The following PRDM10 variants were observed in gnomAD, a reference collection of about 807,000 sequenced individuals.
PRDM10 encodes PR/SET domain 10.
PRDM10 carries 65 observed loss-of-function variants against 133.1 expected under a neutral mutation model. The ratio of observed to expected loss-of-function variants is 0.49; its 90% CI spans 0.40 to 0.60. PRDM10 has a LOEUF of 0.60. Ranked by LOEUF, PRDM10 falls within the 20% of genes least tolerant of loss-of-function variation. The pLI, the probability that PRDM10 is intolerant of heterozygous loss-of-function variation, is 0.00. For missense variants in PRDM10, 1,137 were observed against 1,507.1 expected, an observed-to-expected ratio of 0.75 and a Z score of 4.07; for synonymous variants, 582 against 580.4, an observed-to-expected ratio of 1.00 and a Z score of -0.04.
Position 129,971,835 on chromosome 11 carries a change from T to C in PRDM10, c.-118-10753A>G, listed in dbSNP as rs550561161. ...GCCAGTCCCGTGCCGTGCGCTCGCA[T>C]TCCTCAGCCCTTGGGTGGTCGATGG... On this transcript the variant is annotated intron_variant, in intron 1 of 20. Transcript: ENST00000360871. 4.7e-4 allele frequency among the ~76,000 whole-genome samples: 71 copies of C among 152,350 alleles called. 1 individual carries two copies. The highest frequency in any genetic ancestry group is 7.4e-4 in the Non-Finnish European group (50 of 68,006).
chr11:129,986,485 G>C (rs887953293), intron 1 of PRDM10, among the ~76,000 whole-genome samples: 1 of 152,148 alleles, frequency 6.6e-6, no homozygotes, highest in East Asian at 1.9e-4. Flanking sequence ...TGCCTCCCAG[G>C]TTCAAGCAAT....
intron 6 of PRDM10, among the ~76,000 whole-genome samples, chr11:129,944,395 C>CCAGCCTGGCCAA (rs373627728): frequency 6.6e-6 from 1 of 151,344 alleles, no homozygotes; most frequent in South Asian, 2.1e-4. Flanking sequence ...GAGATCGAGA[C>CCAGCCTGGCCAA]CACGGTGAAA....
intron 1 of PRDM10, among the ~76,000 whole-genome samples, chr11:129,991,769 A>G (rs1209261700): frequency 2.0e-5 from 3 of 150,878 alleles, no homozygotes; most frequent in African/African-American, 4.9e-5. Flanking sequence ...CAGTGATCCG[A>G]TATCGCGCCA....
chr11:129,988,833 G>T (rs964746506), intron 1 of PRDM10, among the ~76,000 whole-genome samples: 4 of 151,844 alleles, frequency 2.6e-5, no homozygotes, highest in Non-Finnish European at 4.4e-5. Flanking sequence ...GTTTCACCGT[G>T]TTAGCCAGGA....
intron 14 of PRDM10, among the ~76,000 whole-genome samples, chr11:129,917,733 A>T (rs1208806717): frequency 6.6e-6 from 1 of 152,228 alleles, no homozygotes; most frequent in Non-Finnish European, 1.5e-5. Flanking sequence ...AGAGCAGAGC[A>T]CTGGCTGTCT....
chr11:129,945,842 A>G lies in PRDM10; in HGVS notation c.521-830T>C, dbSNP rs1951389374. ...TGGTGACCTGGTTTAGGAAATAGTT[A>G]TTTTTAATTTCTACAATTCTCAAAT... On this transcript the variant is annotated intron_variant, in intron 5 of 20. Transcript: ENST00000360871. The surrounding 1 kb of genome is among the most constrained non-coding windows in gnomAD (Gnocchi z 4.2). Among the ~76,000 whole-genome samples, 1 of 152,218 alleles carries G rather than the reference A, an allele frequency of 6.6e-6. No individual in the cohort carries two copies.
In PRDM10 at chr11:129,931,175, G is replaced by T. The variant is rs570199700; in HGVS notation, c.1371C>A (p.Thr457=). 8 of 1,614,176 alleles carry T rather than the reference G, an allele frequency of 5.0e-6. No homozygotes were observed. The African/African-American group carries it at 8.0e-5, about 16-fold the overall frequency. ...TLNGLDQPEQ[T]TIPIPQLPQE... ...GTGGCAGCTGAGGGATTGGGATAGT[G>T]GTCTGTTCTGGTTGATCCAGCCCAT... is the stretch of plus-strand genomic sequence containing the variant. The change falls in exon 11 of 21, where the codon ACC becomes ACA. Residue 457 remains threonine, a synonymous_variant. Coordinates refer to ENST00000360871, the MANE Select transcript of PRDM10 (RefSeq NM_199437.2).
Position 129,962,497 on chromosome 11 carries a change from C to A in PRDM10, c.-118-1415G>T, listed in dbSNP as rs143280483. 1.1e-4 allele frequency among the ~76,000 whole-genome samples: 16 copies of A among 152,350 alleles called. No homozygotes were observed. The East Asian group carries it at 2.7e-3, about 26-fold the overall frequency. On this transcript the variant is annotated intron_variant, in intron 1 of 20. Coordinates refer to ENST00000360871, the MANE Select transcript of PRDM10 (RefSeq NM_199437.2). The stretch of plus-strand genomic sequence containing the variant: ...ACTTATTCACCCTGCATGCGCCCTA[C>A]TCTTCCAATCCCCATTTGGGGGGGA...
chr11:129,920,518 C>T (rs1950492699), intron 13 of PRDM10, among the ~76,000 whole-genome samples: 1 of 152,146 alleles, frequency 6.6e-6, no homozygotes, highest in South Asian at 2.1e-4. Context: ...TGAATTAGCC[C>T]AGCTCTGAAA....
At chr11:129,998,772 G>A (rs892741816) in intron 1 of PRDM10, among the ~76,000 whole-genome samples, 9 of 151,558 alleles carry the variant, frequency 5.9e-5, no homozygotes, top group Non-Finnish European at 1.0e-4. Flanking sequence ...GACAGAAATG[G>A]CCAGAGTGCT....
At chr11:129,948,984 G>A (rs3776962) in intron 4 of PRDM10, among the ~76,000 whole-genome samples, 7,105 of 152,078 alleles carry the variant, frequency 0.047, 238 homozygotes, top group East Asian at 0.12. Context: ...TACTTAAATG[G>A]GGGATTTTGC....
chr11:129,935,072 G>A, intron 9 of PRDM10, 29 bp downstream of exon 9: 1 of 1,549,588 alleles, frequency 6.5e-7, no homozygotes, highest in Non-Finnish European at 8.9e-7. Context: ...TATGAACTCA[G>A]TCTGTGAGCA....
In PRDM10 at chr11:129,915,930, A is replaced by G. The variant is rs542867805; in HGVS notation, c.2326-70T>C. 6.5e-6 allele frequency: 8 copies of G among 1,225,394 alleles called. No individual in the cohort carries two copies. In the East Asian group the frequency reaches 1.9e-4, roughly 29 times the overall value. 75.9% of individuals were successfully genotyped at this position (1,225,394 alleles called of 1,614,324 possible). ...CTTTCTTGCTTAAAGCAAACTAACAATTTCATTATAAGAAAATGAGGAAAA... is the reference window on the plus strand; with the variant it reads ...CTTTCTTGCTTAAAGCAAACTAACAGTTTCATTATAAGAAAATGAGGAAAA... On this transcript the variant is annotated intron_variant, in intron 15 of 20. Transcript: ENST00000360871.
chr11:129,977,427 A>G (rs7938950), intron 1 of PRDM10, among the ~76,000 whole-genome samples: 36,112 of 151,770 alleles, frequency 0.24, 7,375 homozygotes, highest in East Asian at 0.57. Context: ...GGGATTACAC[A>G]CACCCGCCAC....
At chr11:129,905,515 A>C (rs1165598086) in intron 20 of PRDM10, 123 bp downstream of exon 20, 1 of 782,020 alleles carries the variant, frequency 1.3e-6, no homozygotes, top group Non-Finnish European at 2.2e-6. Flanking sequence ...TAGCTTTCAA[A>C]GAATTCATCA....
At chr11:129,984,914 T>C (rs1347254409) in intron 1 of PRDM10, among the ~76,000 whole-genome samples, 1 of 152,178 alleles carries the variant, frequency 6.6e-6, no homozygotes, top group African/African-American at 2.4e-5. Flanking sequence ...GATCTCAGGG[T>C]CAATGCTACC....
At chr11:129,983,556 C>T (rs1356433714) in intron 1 of PRDM10, among the ~76,000 whole-genome samples, 1 of 152,184 alleles carries the variant, frequency 6.6e-6, no homozygotes, top group Non-Finnish European at 1.5e-5. Flanking sequence ...TCTCGGCCTC[C>T]CAAAGTGCTG....
Position 129,968,287 on chromosome 11 carries a change from C to T in PRDM10, c.-118-7205G>A, listed in dbSNP as rs547135708. On this transcript the variant is annotated intron_variant, in intron 1 of 20. Coordinates refer to ENST00000360871, the MANE Select transcript of PRDM10 (RefSeq NM_199437.2). ...AGTGTACCACATTCCAGACAATGCA[C>T]TTACAAATAAACTTTTCCGGCTCAT... 1.3e-3 allele frequency among the ~76,000 whole-genome samples: 200 copies of T among 152,326 alleles called. 5 individuals carry two copies. In the South Asian group the frequency reaches 0.039, roughly 29 times the overall value.
chr11:129,968,343 T>A (rs1951947626), intron 1 of PRDM10, among the ~76,000 whole-genome samples: 2 of 152,070 alleles, frequency 1.3e-5, no homozygotes, highest in African/African-American at 4.8e-5. Context: ...CTGTGGGCTC[T>A]CTCCCTGAAA....
Sources: gnomAD v4.1 joint callset for allele counts (sites outside exome capture counted in the v4.1 genomes callset) on GRCh38, gnomAD v4.1.1 for gene constraint, Gnocchi (gnomAD v3.1) non-coding constraint, MANE v1.5 for transcripts, NCBI Gene and HGNC (gene_info 2026-07-23, HGNC 2026-07-21) for gene names.